Variants in MEGF6 observed in about 807,000 individuals in gnomAD.
MEGF6 encodes the protein multiple epidermal growth factor-like domains protein 6.
In MEGF6, 184 loss-of-function variants were observed where a neutral mutation model predicts 207.1. That is an observed-to-expected ratio of 0.89 (90% CI 0.79 to 1.00). The LOEUF is 1.00. Ranked by LOEUF, MEGF6 falls within the 50% of genes least tolerant of loss-of-function variation. The probability of loss-of-function intolerance (pLI) is 0.00; values close to 1 mark genes in which losing one functional copy is unlikely to be tolerated. For synonymous variants in MEGF6, 1,038 were observed against 910.0 expected (o/e 1.14, Z -2.53); for missense variants, 2,282 against 2,202.9 (o/e 1.04, Z -0.72).
Position 3,508,979 on chromosome 1 carries a change from C to T in MEGF6, c.1528+96G>A, listed in dbSNP as rs954733758. The T allele has an allele frequency of 1.1e-5, 15 of 1,348,472 alleles. No individual in the cohort carries two copies. In the African/African-American group the frequency reaches 1.3e-4, roughly 12 times the overall value. 83.5% of individuals were successfully genotyped at this position (1,348,472 alleles called of 1,614,324 possible). A position where few individuals can be genotyped will look rare whatever the true frequency, so the allele number is the denominator to read the frequency against. On this transcript the variant is annotated intron_variant, in intron 12 of 36. Transcript: ENST00000356575. ...ATGGCATTGCAGGGGTCCTTCCTCA[C>T]GTCCCCAGCCTCTGATTGGATGGCA...
chr1:3,524,101 C>T (rs1570047988), intron 5 of MEGF6, 23 bp downstream of exon 5: 4 of 1,607,384 alleles, frequency 2.5e-6, no homozygotes, highest in Non-Finnish European at 3.4e-6. Context: ...GGAGCCCAGG[C>T]AGGGTCTCCA....
intron 4 of MEGF6, among the ~76,000 whole-genome samples, chr1:3,577,690 A>G (rs369861555): frequency 6.6e-6 from 1 of 152,190 alleles, no homozygotes; most frequent in Non-Finnish European, 1.5e-5. Context: ...TGTGACACAG[A>G]AGTCAGAGCC....
intron 1 of MEGF6, among the ~76,000 whole-genome samples, chr1:3,610,286 A>G (rs1025068015): frequency 6.6e-6 from 1 of 152,232 alleles, no homozygotes. Context: ...CTGCACCGCC[A>G]GGTTTGTGGT....
intron 15 of MEGF6, 137 bp downstream of exon 15, chr1:3,505,971 C>T: frequency 5.7e-6 from 7 of 1,228,670 alleles, no homozygotes; most frequent in Non-Finnish European, 7.8e-6. Flanking sequence ...TGGCGGACCC[C>T]AGACCTACAT....
intron 4 of MEGF6, chr1:3,531,566 C>G: frequency 1.1e-6 from 1 of 924,232 alleles, no homozygotes; most frequent in South Asian, 5.0e-5. Flanking sequence ...GCCCGCCCGC[C>G]CCGCGCATTC....
intron 1 of MEGF6, among the ~76,000 whole-genome samples, chr1:3,603,394 C>T (rs540957150): frequency 6.6e-6 from 1 of 152,214 alleles, no homozygotes; most frequent in African/African-American, 2.4e-5. Context: ...CTGCCCTGAC[C>T]GAGGGGTGAG....
chr1:3,503,111 C>T (rs1400520923), intron 17 of MEGF6, among the ~76,000 whole-genome samples: 1 of 152,122 alleles, frequency 6.6e-6, no homozygotes, highest in Non-Finnish European at 1.5e-5. Flanking sequence ...GTAATACAGG[C>T]GGAGCAGCAG....
chr1:3,622,595 C>A, the MEGF6 span, among the ~76,000 whole-genome samples: 1 of 152,134 alleles, frequency 6.6e-6, no homozygotes, highest in Non-Finnish European at 1.5e-5. Context: ...GCAGAAGAGA[C>A]CCACCTGGAG....
At chr1:3,498,628 T>C in intron 25 of MEGF6, 70 bp downstream of exon 25, 1 of 1,498,388 alleles carries the variant, frequency 6.7e-7, no homozygotes, top group South Asian at 1.3e-5. Flanking sequence ...CTGGGAGCCC[T>C]CCTAGGCCTG....
intron 18 of MEGF6, 68 bp downstream of exon 18, chr1:3,501,728 T>C: frequency 2.6e-6 from 4 of 1,564,842 alleles, no homozygotes; most frequent in Non-Finnish European, 2.6e-6. Flanking sequence ...CCCCCACAGT[T>C]CAGGGCCCCA....
In MEGF6 at chr1:3,567,532, C is replaced by CT. The variant is rs1183409220; in HGVS notation, c.481+12292_481+12293insA. Among the ~76,000 whole-genome samples the CT allele has an allele frequency of 7.2e-5, 11 of 152,316 alleles. No individual in the cohort carries two copies. In the East Asian group the frequency reaches 2.1e-3, roughly 29 times the overall value. ...CTGCACCCCCAGCATGGACATGCCCCCCCCAGGCTCTCCCAGGACAAGCCA... is the reference window on the plus strand; with the variant it reads ...CTGCACCCCCAGCATGGACATGCCCCTCCCCAGGCTCTCCCAGGACAAGCCA... On this transcript the variant is annotated intron_variant, in intron 4 of 36. Coordinates refer to ENST00000356575, the MANE Select transcript of MEGF6 (RefSeq NM_001409.4).
chr1:3,577,821 G>T (rs1045468536), intron 4 of MEGF6, among the ~76,000 whole-genome samples: 1 of 152,202 alleles, frequency 6.6e-6, no homozygotes. Context: ...CCTCCCACTG[G>T]GCATGGAGCC....
At chr1:3,532,487 G>A (rs947626533) in intron 4 of MEGF6, among the ~76,000 whole-genome samples, 1 of 152,222 alleles carries the variant, frequency 6.6e-6, no homozygotes, top group Non-Finnish European at 1.5e-5. Flanking sequence ...CACTGGCGGT[G>A]AGGGTCCACA....
chr1:3,493,330 G>C (rs1459151805), intron 34 of MEGF6: 1 of 229,430 alleles, frequency 4.4e-6, no homozygotes, highest in African/African-American at 2.4e-5. Context: ...ATCCTCAGGT[G>C]AGCCCCTGCT....
chr1:3,552,154 G>A (rs1406574637), intron 4 of MEGF6, among the ~76,000 whole-genome samples: 1 of 152,162 alleles, frequency 6.6e-6, no homozygotes. Context: ...CTCCACTGAC[G>A]AGCACATAGC....
chr1:3,506,665 C>T (rs1227815214), intron 14 of MEGF6, among the ~76,000 whole-genome samples: 4 of 152,190 alleles, frequency 2.6e-5, no homozygotes, highest in Admixed American at 6.5e-5. Context: ...GAAAGGTCCT[C>T]GCCTTTCTTC....
chr1:3,602,180 G>T (rs768302999), intron 2 of MEGF6, among the ~76,000 whole-genome samples: 1 of 150,846 alleles, frequency 6.6e-6, no homozygotes, highest in Non-Finnish European at 1.5e-5. Context: ...CCCTTCCTGC[G>T]TGGCCAGCAT....
At chr1:3,591,777 TCG>T (rs1210849763) in intron 3 of MEGF6, among the ~76,000 whole-genome samples, 1 of 110,304 alleles carries the variant, frequency 9.1e-6, no homozygotes, top group Non-Finnish European at 1.9e-5. Context: ...TACCAAGGTC[TCG>T]TAGCTCACAA....
intron 1 of MEGF6, 31 bp downstream of exon 1, chr1:3,611,107 C>T: frequency 6.9e-7 from 1 of 1,454,960 alleles, no homozygotes. Context: ...CCTGGACGAC[C>T]GGCCGAGCCC....
Sources: gnomAD v4.1 joint callset for allele counts (sites outside exome capture counted in the v4.1 genomes callset) on GRCh38, gnomAD v4.1.1 for gene constraint, MANE v1.5 for transcripts, NCBI Gene and HGNC (gene_info 2026-07-23, HGNC 2026-07-21) for gene names.